The following CDON variants were observed in gnomAD, a reference collection of about 807,000 sequenced individuals.
The protein encoded by CDON is cell adhesion molecule-related/down-regulated by oncogenes.
Under a neutral mutation model 120.9 loss-of-function variants are expected in CDON, and 73 were observed. That is an observed-to-expected ratio of 0.60 (90% CI 0.50 to 0.73). The LOEUF (loss-of-function observed/expected upper bound fraction) is 0.73, where lower values mean the gene tolerates loss of function less well. Ranked by LOEUF, CDON falls within the 30% of genes least tolerant of loss-of-function variation. The pLI is 0.00. For synonymous variants in CDON, 566 were observed against 573.5 expected (o/e 0.99, Z 0.19); for missense variants, 1,470 against 1,587.3 (o/e 0.93, Z 1.26).
rs1591422298 is a variant in CDON, at chr11:126,041,988, G to A, written c.-61-18451C>T. On this transcript the variant is annotated intron_variant, in intron 1 of 19. Coordinates refer to ENST00000531738, the MANE Select transcript of CDON (RefSeq NM_001378964.1). ...CAACTTCTGCCTCCCAGGTTCAAGC[G>A]ATTCTCCTGCCTCAGCCTCCTGAGT... 3.3e-5 allele frequency among the ~76,000 whole-genome samples: 5 copies of A among 152,202 alleles called. 1 individual carries two copies. In the South Asian group the frequency reaches 8.3e-4, roughly 25 times the overall value.
Position 126,014,414 on chromosome 11 carries a change from C to G in CDON, c.1198+827G>C, listed in dbSNP as rs549998384. Among the ~76,000 whole-genome samples, 3 of 152,206 alleles carry G rather than the reference C, an allele frequency of 2.0e-5. No individual in the cohort carries two copies. The South Asian group carries it at 6.2e-4, about 32-fold the overall frequency. On this transcript the variant is annotated intron_variant, in intron 7 of 19. Coordinates refer to ENST00000531738, the MANE Select transcript of CDON (RefSeq NM_001378964.1). ...GCAAAGACTTTAAAAATTGACAATG[C>G]CCCATGTTGGTGAGGGTTTGAGGAA...
At chr11:126,039,176 A>T (rs79335368) in intron 1 of CDON, among the ~76,000 whole-genome samples, 4,610 of 152,330 alleles carry the variant, frequency 0.03, 233 homozygotes, top group African/African-American at 0.1. Context: ...CATAAATCTT[A>T]CAGGTGAAGA....
intron 17 of CDON, among the ~76,000 whole-genome samples, chr11:125,980,029 A>G (rs982212859): frequency 1.3e-5 from 2 of 152,210 alleles, no homozygotes; most frequent in African/African-American, 2.4e-5. Flanking sequence ...GGGGAAAAAA[A>G]ACTCTAAGCT....
intron 1 of CDON, among the ~76,000 whole-genome samples, chr11:126,051,350 T>A (rs1329113823): frequency 6.6e-6 from 1 of 152,204 alleles, no homozygotes; most frequent in Non-Finnish European, 1.5e-5. Context: ...ACACAGATAG[T>A]GTTTTCTTTA....
chr11:125,990,950 T>C (rs1243689511), intron 14 of CDON, among the ~76,000 whole-genome samples: 2 of 152,134 alleles, frequency 1.3e-5, no homozygotes, highest in Admixed American at 6.5e-5. Context: ...CCAAAACTGG[T>C]TGAAAATGGA....
At chr11:125,989,138 T>G (rs1429768520) in intron 15 of CDON, among the ~76,000 whole-genome samples, 1 of 152,226 alleles carries the variant, frequency 6.6e-6, no homozygotes, top group Non-Finnish European at 1.5e-5. Context: ...TGTAAACTAT[T>G]TTTTAAACAA....
chr11:126,048,160 C>T (rs1948451150), intron 1 of CDON, among the ~76,000 whole-genome samples: 2 of 151,718 alleles, frequency 1.3e-5, no homozygotes, highest in Non-Finnish European at 2.9e-5. Context: ...ACCTGTAGTC[C>T]CAGCTACTCT....
chr11:126,057,448 C>T (rs1226820635), intron 1 of CDON, among the ~76,000 whole-genome samples: 1 of 152,168 alleles, frequency 6.6e-6, no homozygotes, highest in Non-Finnish European at 1.5e-5. Flanking sequence ...CAACATAAGA[C>T]TACATACTGT....
intron 15 of CDON, among the ~76,000 whole-genome samples, chr11:125,984,408 C>A (rs992320516): frequency 1.3e-5 from 2 of 152,218 alleles, no homozygotes; most frequent in African/African-American, 4.8e-5. Context: ...AAAAGTGTTT[C>A]CACTTAGGCC....
At chr11:125,978,223 A>G (rs561671092) in intron 18 of CDON, 81 bp downstream of exon 18, 1 of 808,900 alleles carries the variant, frequency 1.2e-6, no homozygotes. Context: ...AAATTCCAAG[A>G]ACTTTCTTTG....
chr11:126,035,231 A>C (rs1209402359), intron 1 of CDON, among the ~76,000 whole-genome samples: 10 of 152,226 alleles, frequency 6.6e-5, no homozygotes, highest in Admixed American at 6.5e-4. Context: ...TACACAGTCA[A>C]GCATTGAAAA....
At chr11:125,996,925 G>A (rs1266553348) in intron 12 of CDON, among the ~76,000 whole-genome samples, 2 of 152,008 alleles carry the variant, frequency 1.3e-5, no homozygotes, top group African/African-American at 2.4e-5. Flanking sequence ...TGTAATCCCA[G>A]CACTTTAGTA....
rs1351094599 is a variant in CDON at position 125,958,392 on chromosome 11, T to C, written c.*2550A>G. 2 of 152,094 alleles carry C rather than the reference T, an allele frequency of 1.3e-5. No individual in the cohort carries two copies. Among genetic ancestry groups the C allele is most frequent in the East Asian group, 1.9e-4 (1 of 5,186 alleles). 9.4% of individuals were successfully genotyped at this position (152,094 alleles called of 1,614,324 possible). On this transcript the variant is annotated 3_prime_UTR_variant, in exon 20 of 20. Transcript: ENST00000531738. Reference sequence around the variant, plus strand: ...ACCGAGCACAGTGCCTGGTACACAGTAGTTATTCAGCACGTGTTAGTGCTG... The same window carrying C: ...ACCGAGCACAGTGCCTGGTACACAGCAGTTATTCAGCACGTGTTAGTGCTG...
intron 10 of CDON, among the ~76,000 whole-genome samples, chr11:126,002,427 G>C (rs1565519024): frequency 6.6e-6 from 1 of 152,184 alleles, no homozygotes; most frequent in African/African-American, 2.4e-5. Flanking sequence ...GTAATTAGAT[G>C]AAAGGGTCTT....
In CDON at chr11:126,017,103, T is replaced by C. The variant is rs772272581; in HGVS notation, c.913A>G (p.Met305Val). 5.6e-6 allele frequency: 9 copies of C among 1,614,016 alleles called. No individual in the cohort carries two copies. Among genetic ancestry groups the C allele is most frequent in the African/African-American group, 1.3e-5 (1 of 74,934 alleles). ...KSGDVKYVTY[M>V]VNVLEHASIS... is the part of the protein sequence containing the mutation. Reference sequence around the variant, plus strand: ...AACATCTTACCAAGTACATTAACCATGTAAGTCACATATTTTACATCTCCA... The same window carrying C: ...AACATCTTACCAAGTACATTAACCACGTAAGTCACATATTTTACATCTCCA... The change falls in exon 6 of 20, where the codon ATG becomes GTG. Residue 305 changes from methionine (M) to valine (V), a missense_variant. Met to Val is a conservative substitution (Grantham distance 21). Transcript: ENST00000531738.
intron 1 of CDON, among the ~76,000 whole-genome samples, chr11:126,025,068 G>C (rs1303514295): frequency 6.6e-6 from 1 of 152,112 alleles, no homozygotes; most frequent in Admixed American, 6.5e-5. Context: ...AGCCGAGCCT[G>C]GTGGCATGCA....
intron 17 of CDON, among the ~76,000 whole-genome samples, chr11:125,980,667 A>C (rs1946270079): frequency 6.6e-6 from 1 of 151,142 alleles, no homozygotes; most frequent in African/African-American, 2.4e-5. Flanking sequence ...CTACCATCTC[A>C]CTCCCACAAT....
intron 1 of CDON, among the ~76,000 whole-genome samples, chr11:126,041,954 G>A (rs1326760732): frequency 3.3e-5 from 5 of 152,034 alleles, no homozygotes; most frequent in South Asian, 4.2e-4. Context: ...GCGTGATCTC[G>A]GCTCACCACA....
intron 17 of CDON, among the ~76,000 whole-genome samples, chr11:125,979,408 A>G (rs368690907): frequency 3.9e-5 from 6 of 152,230 alleles, no homozygotes; most frequent in African/African-American, 1.4e-4. Flanking sequence ...AAAACCTGAA[A>G]GGCTCAGAAA....
Sources: gnomAD v4.1 joint callset for allele counts (sites outside exome capture counted in the v4.1 genomes callset) on GRCh38, gnomAD v4.1.1 for gene constraint, MANE v1.5 for transcripts, NCBI Gene and HGNC (gene_info 2026-07-23, HGNC 2026-07-21) for gene names.